Variants in MACF1 observed in about 807,000 individuals in gnomAD.
MACF1 encodes microtubule-actin cross-linking factor 1.
In MACF1, 193 loss-of-function variants were observed where a neutral mutation model predicts 854.8. That is an observed-to-expected ratio of 0.23 (90% CI 0.20 to 0.25). The LOEUF (loss-of-function observed/expected upper bound fraction) is 0.25, where lower values mean the gene tolerates loss of function less well. Ranked by LOEUF, MACF1 falls within the 10% of genes least tolerant of loss-of-function variation. MACF1 has a pLI of 1.00. For synonymous variants in MACF1, 3,185 were observed against 3,226.7 expected (o/e 0.99, Z 0.44); for missense variants, 7,722 against 8,929.1 (o/e 0.86, Z 5.45).
intron 6 of MACF1, among the ~76,000 whole-genome samples, chr1:39,274,306 A>G (rs779996944): frequency 6.6e-5 from 10 of 152,150 alleles, no homozygotes; most frequent in Non-Finnish European, 1.3e-4. Context: ...TAAAAATGTA[A>G]TAATACTGGT....
intron 2 of MACF1, among the ~76,000 whole-genome samples, chr1:39,237,830 T>C (rs1487253338): frequency 1.3e-5 from 2 of 152,082 alleles, no homozygotes; most frequent in Non-Finnish European, 2.9e-5. Flanking sequence ...GGCAGTTTTT[T>C]CCCCATTATT....
chr1:39,263,773 T>TTC (rs1645195029), intron 6 of MACF1, among the ~76,000 whole-genome samples: 2 of 128,730 alleles, frequency 1.6e-5, no homozygotes, highest in African/African-American at 6.1e-5. Flanking sequence ...TCTTTTTTCT[T>TTC]TTTTTTTTTT....
intron 97 of MACF1, among the ~76,000 whole-genome samples, chr1:39,473,789 C>T (rs1644823397): frequency 1.3e-5 from 2 of 152,182 alleles, no homozygotes; most frequent in African/African-American, 4.8e-5. Context: ...AAGCCTCGCA[C>T]TGGGATCCAA....
intron 4 of MACF1, among the ~76,000 whole-genome samples, chr1:39,252,332 T>C (rs988454026): frequency 6.6e-6 from 1 of 152,198 alleles, no homozygotes; most frequent in Non-Finnish European, 1.5e-5. Flanking sequence ...CAGTCTAGAC[T>C]AACTGGTACT....
chr1:39,354,473 C>G (rs1282483596), intron 44 of MACF1, among the ~76,000 whole-genome samples: 1 of 152,070 alleles, frequency 6.6e-6, no homozygotes, highest in Admixed American at 6.6e-5. Context: ...GGCACGATCC[C>G]AGCTCACCGC....
intron 2 of MACF1, among the ~76,000 whole-genome samples, chr1:39,115,796 G>C (rs752552798): frequency 1.2e-4 from 18 of 152,176 alleles, no homozygotes; most frequent in Non-Finnish European, 2.6e-4. Context: ...TCTCCTGAAG[G>C]AAATTGTCCA....
intron 61 of MACF1, among the ~76,000 whole-genome samples, chr1:39,425,629 T>C (rs923043209): frequency 6.6e-6 from 1 of 152,204 alleles, no homozygotes; most frequent in African/African-American, 2.4e-5. Context: ...TTCTGTTCTT[T>C]AATATCTTCT....
chr1:39,327,101 G>A (rs1279520759), intron 35 of MACF1, 117 bp from the exon 36 acceptor site: 21 of 1,004,000 alleles, frequency 2.1e-5, no homozygotes, highest in Non-Finnish European at 2.8e-5. Flanking sequence ...AGTCTCCGAT[G>A]AATATGGAAG....
chr1:39,418,074 G>T (rs2148628890), intron 58 of MACF1, among the ~76,000 whole-genome samples: 1 of 152,232 alleles, frequency 6.6e-6, no homozygotes, highest in East Asian at 1.9e-4. Flanking sequence ...GATGTCAATG[G>T]ATTTGAAGAC....
chr1:39,242,963 TA>T (rs951388294), intron 2 of MACF1, among the ~76,000 whole-genome samples: 100 of 152,294 alleles, frequency 6.6e-4, no homozygotes, highest in African/African-American at 2.3e-3. Flanking sequence ...ATTACATACC[TA>T]GGGGCAGAAC....
chr1:39,336,311 A>G lies in MACF1; in HGVS notation c.9723A>G (p.Glu3241=). The change falls in exon 37 of 101, where the codon GAA becomes GAG. Residue 3241 remains glutamate, a synonymous_variant. Coordinates refer to ENST00000564288, the MANE Select transcript of MACF1 (RefSeq NM_001394062.1). The part of the protein sequence containing the change: ...TQELTGEKFL[E]MANPNVAGLE... ...AACTAACTGGAGAGAAATTTCTAGA[A>G]ATGGCAAACCCTAATGTTGCAGGTC... The G allele has an allele frequency of 6.2e-7, 1 of 1,614,198 alleles. No individual in the cohort carries two copies. Among genetic ancestry groups the G allele is most frequent in the Non-Finnish European group, 8.5e-7 (1 of 1,180,016 alleles).
intron 2 of MACF1, among the ~76,000 whole-genome samples, chr1:39,110,174 C>T (rs1226611576): frequency 2.0e-5 from 3 of 150,550 alleles, no homozygotes; most frequent in East Asian, 1.9e-4. Context: ...CGCTCTGAAG[C>T]AACCTTTTGG....
intron 2 of MACF1, among the ~76,000 whole-genome samples, chr1:39,135,960 G>A (rs562056787): frequency 2.4e-4 from 36 of 152,276 alleles, no homozygotes; most frequent in African/African-American, 8.2e-4. Flanking sequence ...TGAGTACAGC[G>A]AACGGCCAAC....
intron 21 of MACF1, among the ~76,000 whole-genome samples, 181 bp from the exon 22 acceptor site, chr1:39,300,029 A>G (rs1283011679): frequency 6.6e-6 from 1 of 152,252 alleles, no homozygotes; most frequent in African/African-American, 2.4e-5. Context: ...GGTAGAAGAC[A>G]GAAGCATTCT....
intron 65 of MACF1, 125 bp from the exon 66 acceptor site, chr1:39,430,576 AT>A (rs554078213): frequency 1.2e-3 from 858 of 713,844 alleles, no homozygotes; most frequent in Non-Finnish European, 1.8e-3. Flanking sequence ...TGAGAAAAAA[AT>A]AACTGAAGGA....
At chr1:39,302,821 C>A in intron 22 of MACF1, 103 bp from the exon 23 acceptor site, 1 of 1,126,176 alleles carries the variant, frequency 8.9e-7, no homozygotes, top group Non-Finnish European at 1.3e-6. Context: ...TTTTCTTAAG[C>A]AGATTTTTTT....
At position 39,246,304 on chromosome 1, in the gene MACF1, C is replaced by A. The variant is rs112077552; in HGVS notation, c.172-3710C>A. ...AAGTTAAGTTCTCAGCTGACCCAAA[C>A]TGAATTCTGGTATTTCCAGCTGCTT... is the stretch of plus-strand genomic sequence containing the variant. On this transcript the variant is annotated intron_variant, in intron 2 of 100. Transcript: ENST00000564288. Among the ~76,000 whole-genome samples the A allele has an allele frequency of 3.7e-3, 562 of 152,316 alleles. 1 individual carries two copies. Among genetic ancestry groups the A allele is most frequent in the African/African-American group, 0.012 (510 of 41,564 alleles).
intron 18 of MACF1, 49 bp downstream of exon 18, chr1:39,293,668 G>A (rs1645840781): frequency 3.8e-6 from 6 of 1,565,302 alleles, no homozygotes; most frequent in African/African-American, 1.4e-5. Context: ...AACAGCAGCA[G>A]AAGGAGACAG....
intron 44 of MACF1, among the ~76,000 whole-genome samples, chr1:39,354,400 A>C (rs577589999): frequency 1.3e-5 from 2 of 151,740 alleles, no homozygotes; most frequent in South Asian, 4.2e-4. Flanking sequence ...CTTTTCTTTT[A>C]TTTATTTATT....
Sources: allele counts gnomAD v4.1 joint callset (sites outside exome capture counted in the v4.1 genomes callset), GRCh38; gene constraint gnomAD v4.1.1; transcripts MANE v1.5; gene names NCBI Gene and HGNC (gene_info 2026-07-23, HGNC 2026-07-21).